The following SPMIP3 variants were observed in gnomAD, a reference collection of about 807,000 sequenced individuals.
SPMIP3 encodes sperm microtubule inner protein 3, also known as protein SPMIP3.
At chr1:244,360,509 T>TACACACAC in the SPMIP3 span, among the ~76,000 whole-genome samples, 158 of 59,126 alleles carry the variant, frequency 2.7e-3, 1 homozygote, top group East Asian at 8.7e-3. Flanking sequence ...AAACGTGATA[T>TACACACAC]ACACACACAC....
At chr1:244,360,475 T>C in the SPMIP3 span, among the ~76,000 whole-genome samples, 1 of 151,216 alleles carries the variant, frequency 6.6e-6, no homozygotes, top group East Asian at 1.9e-4. Flanking sequence ...CCCAAGTGTC[T>C]ATCAATGGAT....
chr1:244,364,849 C>CTCTGGACCACTGAG, the SPMIP3 span: 1 of 1,299,784 alleles, frequency 7.7e-7, no homozygotes, highest in Non-Finnish European at 1.1e-6. Flanking sequence ...GCTCAGTGGT[C>CTCTGGACCACTGAG]CAGAGACTAC....
the SPMIP3 span, among the ~76,000 whole-genome samples, chr1:244,354,682 A>C: frequency 6.6e-6 from 1 of 152,166 alleles, no homozygotes. Flanking sequence ...CACTTTTAAA[A>C]ATTCTTTCCT....
the SPMIP3 span, among the ~76,000 whole-genome samples, chr1:244,372,013 G>C: frequency 6.6e-6 from 1 of 152,210 alleles, no homozygotes; most frequent in Non-Finnish European, 1.5e-5. Context: ...CACAGACAGA[G>C]ACAGAACTCG....
the SPMIP3 span, among the ~76,000 whole-genome samples, chr1:244,373,332 T>TTATA: frequency 0.018 from 1,525 of 85,194 alleles, 219 homozygotes; most frequent in African/African-American, 0.058. Flanking sequence ...CAAAAAAAAA[T>TTATA]TATATATATA....
chr1:244,369,790 T>C, the SPMIP3 span, among the ~76,000 whole-genome samples: 1 of 152,340 alleles, frequency 6.6e-6, no homozygotes. Flanking sequence ...GCTGTTTGCA[T>C]GGCACGTGAA....
chr1:244,372,935 C>G, the SPMIP3 span, among the ~76,000 whole-genome samples: 1 of 152,206 alleles, frequency 6.6e-6, no homozygotes, highest in South Asian at 2.1e-4. Flanking sequence ...ACTTCCCTGT[C>G]TTTTACCCTC....
the SPMIP3 span, among the ~76,000 whole-genome samples, chr1:244,360,053 G>A: frequency 2.8e-3 from 424 of 152,198 alleles, 1 homozygote; most frequent in Non-Finnish European, 4.3e-3. Flanking sequence ...AGGTTGCAGT[G>A]AGCCAACATC....
chr1:244,354,504 C>A, the SPMIP3 span, among the ~76,000 whole-genome samples: 52,611 of 151,582 alleles, frequency 0.35, 10,815 homozygotes, highest in Middle Eastern at 0.48. Context: ...TACAGGTGTG[C>A]ACCACCACAC....
At chr1:244,375,501 T>G in the SPMIP3 span, 1 of 1,558,224 alleles carries the variant, frequency 6.4e-7, no homozygotes, top group Non-Finnish European at 8.8e-7. Context: ...TGTCCAAGAA[T>G]GTCACGAAAG....
the SPMIP3 span, among the ~76,000 whole-genome samples, chr1:244,380,448 A>G: frequency 6.6e-6 from 1 of 152,168 alleles, no homozygotes; most frequent in Non-Finnish European, 1.5e-5. Context: ...GTAAACCTCA[A>G]TATTTTGGAG....
the SPMIP3 span, among the ~76,000 whole-genome samples, chr1:244,360,455 A>G: frequency 1.3e-4 from 19 of 151,902 alleles, no homozygotes; most frequent in East Asian, 3.5e-3. Context: ...TAGCCAAGCT[A>G]TGGAATCAAC....
At chr1:244,371,098 C>T in the SPMIP3 span, among the ~76,000 whole-genome samples, 30 of 152,300 alleles carry the variant, frequency 2.0e-4, no homozygotes, top group African/African-American at 6.7e-4. Context: ...TGAATTTTGA[C>T]TGTGGCTAAG....
chr1:244,354,038 G>A, the SPMIP3 span, among the ~76,000 whole-genome samples: 1 of 152,110 alleles, frequency 6.6e-6, no homozygotes, highest in Admixed American at 6.6e-5. Context: ...GAGCACAGAT[G>A]CAACACTTAC....
At chr1:244,372,291 C>T in the SPMIP3 span, among the ~76,000 whole-genome samples, 1 of 152,180 alleles carries the variant, frequency 6.6e-6, no homozygotes. Flanking sequence ...TTTGTATCTG[C>T]AGAGCCTAGC....
the SPMIP3 span, among the ~76,000 whole-genome samples, chr1:244,360,619 C>T: frequency 6.6e-6 from 1 of 151,738 alleles, no homozygotes; most frequent in Non-Finnish European, 1.5e-5. Context: ...CAGAGTGACT[C>T]ATGCCAGTAA....
the SPMIP3 span, among the ~76,000 whole-genome samples, chr1:244,363,310 A>T: frequency 6.6e-6 from 1 of 152,050 alleles, no homozygotes; most frequent in Non-Finnish European, 1.5e-5. Context: ...CAGGAGGCTG[A>T]GGCAGGAGAA....
the SPMIP3 span, among the ~76,000 whole-genome samples, chr1:244,368,088 G>GT: frequency 6.6e-6 from 1 of 151,950 alleles, no homozygotes; most frequent in African/African-American, 2.4e-5. Context: ...AGCCTCTCGA[G>GT]TGCTGGGACT....
the SPMIP3 span, chr1:244,364,642 T>C: frequency 1.4e-6 from 2 of 1,479,878 alleles, no homozygotes; most frequent in African/African-American, 1.4e-5. Flanking sequence ...CATGGAATTA[T>C]GTATAAACTG....
Sources: allele counts gnomAD v4.1 joint callset (sites outside exome capture counted in the v4.1 genomes callset), GRCh38; gene constraint gnomAD v4.1.1; transcripts MANE v1.5; gene names NCBI Gene and HGNC (gene_info 2026-07-23, HGNC 2026-07-21).